Variants in AFF1 observed in about 807,000 individuals in gnomAD.
AFF1 encodes ALF transcription elongation factor 1.
A neutral mutation model predicts 121.7 loss-of-function variants in AFF1; 48 were observed. That is an observed-to-expected ratio of 0.39 (90% CI 0.31 to 0.50). The LOEUF (loss-of-function observed/expected upper bound fraction) is 0.50. Ranked by LOEUF, AFF1 falls within the 20% of genes least tolerant of loss-of-function variation. The probability of loss-of-function intolerance (pLI) is 0.76; values close to 1 mark genes in which losing one functional copy is unlikely to be tolerated. For synonymous variants in AFF1, 613 were observed against 563.0 expected (o/e 1.09, Z -1.26); for missense variants, 1,523 against 1,511.7 (o/e 1.01, Z -0.12).
At chr4:87,091,490 GCAA>G (rs146438686) in intron 6 of AFF1, among the ~76,000 whole-genome samples, 68 of 152,270 alleles carry the variant, frequency 4.5e-4, no homozygotes, top group African/African-American at 1.5e-3. Context: ...ATATCTTTGT[GCAA>G]CAACAAAGGA....
intron 2 of AFF1, among the ~76,000 whole-genome samples, chr4:86,995,611 G>T (rs1445795625): frequency 6.7e-6 from 1 of 148,992 alleles, no homozygotes; most frequent in East Asian, 2.0e-4. Flanking sequence ...CCTTCACTCA[G>T]TGCTCAATGG....
At chr4:87,074,211 A>G (rs1722426933) in intron 4 of AFF1, among the ~76,000 whole-genome samples, 2 of 152,198 alleles carry the variant, frequency 1.3e-5, no homozygotes, top group Non-Finnish European at 2.9e-5. Context: ...TAGAAGGGGA[A>G]ATAGATCATA....
At chr4:87,002,590 C>T (rs1725814552) in intron 2 of AFF1, among the ~76,000 whole-genome samples, 1 of 151,796 alleles carries the variant, frequency 6.6e-6, no homozygotes, top group Admixed American at 6.6e-5. Context: ...TGCCAGCATG[C>T]CTGAGACAGG....
At position 87,139,533 on chromosome 4, in the gene AFF1, A is replaced by G. The variant is rs183733346; in HGVS notation, c.*3832A>G. 4 of 230,876 alleles carry G rather than the reference A, an allele frequency of 1.7e-5. No homozygotes were observed. The highest frequency in any genetic ancestry group is 8.8e-5 in the African/African-American group (4 of 45,214). The allele number at this position is 230,876 out of a possible 1,614,324, so 14.3% of individuals were successfully genotyped here. On this transcript the variant is annotated 3_prime_UTR_variant, in exon 21 of 21. Coordinates refer to ENST00000395146, the MANE Select transcript of AFF1 (RefSeq NM_001166693.3). Reference sequence around the variant, plus strand: ...AATATTTTGTGCTTTCTTTAGAAACACAAGAGTATAGATTTTTCTCACTGA... The same window carrying G: ...AATATTTTGTGCTTTCTTTAGAAACGCAAGAGTATAGATTTTTCTCACTGA...
chr4:87,009,820 A>G (rs750143791), intron 2 of AFF1, among the ~76,000 whole-genome samples: 6 of 152,190 alleles, frequency 3.9e-5, no homozygotes, highest in Non-Finnish European at 5.9e-5. Flanking sequence ...TGTGATGTAA[A>G]ATCTCAGGTA....
intron 2 of AFF1, among the ~76,000 whole-genome samples, chr4:86,982,584 G>A (rs753325225): frequency 1.4e-4 from 21 of 151,166 alleles, no homozygotes; most frequent in African/African-American, 7.3e-5. Flanking sequence ...TGGGCTGGGC[G>A]TGGTGGCTCA....
chr4:87,110,301 G>A (rs114332111), intron 11 of AFF1, among the ~76,000 whole-genome samples: 2,247 of 151,900 alleles, frequency 0.015, 59 homozygotes, highest in African/African-American at 0.052. Flanking sequence ...AGTAAGTGGG[G>A]TACCCATCAC....
rs61734714 is a variant in AFF1, at chr4:87,091,815, T to G, written c.1214T>G (p.Val405Gly). The change falls in exon 7 of 21, where the codon GTA becomes GGA. Residue 405 changes from valine (V) to glycine (G), a missense_variant. This residue lies in a region of AFF1 where 905 missense variants were observed against 842.5 expected (regional missense o/e 1.07). Coordinates refer to ENST00000395146, the MANE Select transcript of AFF1 (RefSeq NM_001166693.3). Reference protein sequence around the residue: ...PTKDSQHVSSVTQNQKQYDTS... With the variant: ...PTKDSQHVSSGTQNQKQYDTS... Reference sequence around the variant, plus strand: ...TAGGACTCTCAGCATGTCAGTTCTGTAACCCAAAACCAAAGTAAGTAAATT... The same window carrying G: ...TAGGACTCTCAGCATGTCAGTTCTGGAACCCAAAACCAAAGTAAGTAAATT... The G allele has an allele frequency of 6.4e-7, 1 of 1,561,892 alleles. No homozygotes were observed. Among genetic ancestry groups the G allele is most frequent in the Non-Finnish European group, 8.7e-7 (1 of 1,155,288 alleles).
At chr4:87,062,880 T>C (rs1266396127) in intron 4 of AFF1, among the ~76,000 whole-genome samples, 1 of 152,186 alleles carries the variant, frequency 6.6e-6, no homozygotes, top group African/African-American at 2.4e-5. Flanking sequence ...TTTAAGGTTT[T>C]GTTTTTGGAA....
Position 87,046,880 on chromosome 4 carries a change from C to A in AFF1, c.345C>A (p.His115Gln). The change falls in exon 4 of 21, where the codon CAC becomes CAA. Residue 115 changes from histidine to glutamine, a missense_variant. This residue lies in a region of AFF1 where 369 missense variants were observed against 367.2 expected (regional missense o/e 1.00). Coordinates refer to ENST00000395146, the MANE Select transcript of AFF1 (RefSeq NM_001166693.3). ...GCAGCATTCCATCCAGCTCCTTCCA[C>A]ACTAGTGTCCACCACCAGTCCATTC... is the stretch of plus-strand genomic sequence containing the variant. ...KGSSIPSSSFHTSVHHQSIHT... is the reference protein window; with the variant it reads ...KGSSIPSSSFQTSVHHQSIHT... 6.2e-7 allele frequency: 1 copy of A among 1,614,230 alleles called. No homozygotes were observed. Among genetic ancestry groups the A allele is most frequent in the East Asian group, 2.2e-5 (1 of 44,890 alleles).
At chr4:86,973,153 AG>A (rs1723060732) in intron 2 of AFF1, among the ~76,000 whole-genome samples, 2 of 152,262 alleles carry the variant, frequency 1.3e-5, no homozygotes, top group South Asian at 4.1e-4. Flanking sequence ...GCACGGAGGC[AG>A]TGAAGGGTGG....
At chr4:86,969,743 C>T (rs919937615) in intron 2 of AFF1, among the ~76,000 whole-genome samples, 3 of 149,424 alleles carry the variant, frequency 2.0e-5, no homozygotes, top group South Asian at 4.3e-4. Context: ...AGCTGGGCGC[C>T]GGGGCGGGTG....
intron 6 of AFF1, 32 bp from the exon 7 acceptor site, chr4:87,091,761 T>A: frequency 7.1e-7 from 1 of 1,402,044 alleles, no homozygotes; most frequent in Non-Finnish European, 9.7e-7. Context: ...CCTTAATCTT[T>A]TAATAATTAG....
intron 5 of AFF1, among the ~76,000 whole-genome samples, chr4:87,084,584 AT>A (rs1210920132): frequency 1.3e-5 from 2 of 148,762 alleles, no homozygotes; most frequent in East Asian, 3.9e-4. Context: ...AAATAAATAA[AT>A]AAATAAATAA....
chr4:86,987,057 C>T (rs1000945786), intron 2 of AFF1, among the ~76,000 whole-genome samples: 2 of 152,038 alleles, frequency 1.3e-5, no homozygotes, highest in African/African-American at 4.8e-5. Context: ...GTTGCCCAGG[C>T]TGGTCTCAAA....
rs1728793637 is a variant in AFF1, at chr4:87,131,182, G to A, written c.3064G>A (p.Ala1022Thr). Residue 1022 changes from alanine to threonine, a missense_variant, in exon 17 of 21, where the codon GCT becomes ACT. Transcript: ENST00000395146. ...TESESQSSKS[A>T]YSVYSETVDL... Reference sequence around the variant, plus strand: ...GTCTGAAAGCCAGTCATCCAAGTCAGCTTACTCTGTCTACTCAGAAACTGT... The same window carrying A: ...GTCTGAAAGCCAGTCATCCAAGTCAACTTACTCTGTCTACTCAGAAACTGT... The A allele has an allele frequency of 6.2e-7, 1 of 1,614,198 alleles. No individual in the cohort carries two copies. Among genetic ancestry groups the A allele is most frequent in the Admixed American group, 1.7e-5 (1 of 60,020 alleles).
intron 4 of AFF1, among the ~76,000 whole-genome samples, chr4:87,080,583 A>G (rs1319011835): frequency 6.6e-6 from 1 of 152,206 alleles, no homozygotes; most frequent in Non-Finnish European, 1.5e-5. Context: ...CTGTAGTTCC[A>G]GCTACTCTCT....
intron 2 of AFF1, among the ~76,000 whole-genome samples, chr4:87,017,655 A>C (rs937434491): frequency 7.9e-5 from 12 of 152,338 alleles, no homozygotes; most frequent in African/African-American, 2.6e-4. Context: ...TGTGCATTTT[A>C]AATAAAAGCG....
At chr4:87,022,246 C>CT (rs949418881) in intron 2 of AFF1, among the ~76,000 whole-genome samples, 17 of 147,536 alleles carry the variant, frequency 1.2e-4, no homozygotes, top group Non-Finnish European at 2.2e-4. Context: ...GCTAAAAACA[C>CT]TTTTAAAAGT....
Sources: allele counts gnomAD v4.1 joint callset (sites outside exome capture counted in the v4.1 genomes callset), GRCh38; gene constraint gnomAD v4.1.1; regional missense constraint gnomAD v4.1.1; transcripts MANE v1.5; gene names NCBI Gene and HGNC (gene_info 2026-07-23, HGNC 2026-07-21).